Variants in EFNA5 observed in about 807,000 individuals in gnomAD.
EFNA5 encodes the protein ephrin-A5.
In EFNA5, 5 loss-of-function variants were observed where a neutral mutation model predicts 22.9. The ratio of observed to expected loss-of-function variants is 0.22; its 90% CI spans 0.11 to 0.46. EFNA5 has a LOEUF of 0.46. Among genes scored for constraint, EFNA5 ranks in the 20% least tolerant of loss-of-function variants. The probability of loss-of-function intolerance (pLI) is 0.99; values close to 1 mark genes in which losing one functional copy is unlikely to be tolerated. For missense variants in EFNA5, 237 were observed against 293.3 expected, an observed-to-expected ratio of 0.81 and a Z score of 1.40; for synonymous variants, 113 against 112.2, an observed-to-expected ratio of 1.01 and a Z score of -0.04.
chr5:107,616,506 G>A (rs1749916605), intron 1 of EFNA5, among the ~76,000 whole-genome samples: 1 of 152,132 alleles, frequency 6.6e-6, no homozygotes, highest in Admixed American at 6.5e-5. Context: ...GAGAGCTGAT[G>A]CAGTATAGGA....
intron 2 of EFNA5, among the ~76,000 whole-genome samples, chr5:107,422,547 G>C (rs1748699286): frequency 6.6e-6 from 1 of 152,198 alleles, no homozygotes; most frequent in African/African-American, 2.4e-5. Flanking sequence ...TGAATGCCTG[G>C]GGCAATGGGA....
At chr5:107,466,783 C>T (rs1398631493) in intron 1 of EFNA5, among the ~76,000 whole-genome samples, 1 of 151,992 alleles carries the variant, frequency 6.6e-6, no homozygotes, top group Non-Finnish European at 1.5e-5. Context: ...TTGGGGTGGG[C>T]CATCAGGAAA....
chr5:107,665,043 C>A (rs1468442559), intron 1 of EFNA5, among the ~76,000 whole-genome samples: 3 of 152,096 alleles, frequency 2.0e-5, no homozygotes, highest in African/African-American at 7.2e-5. Context: ...AAATGCTACC[C>A]AACATGTAAA....
chr5:107,506,771 T>C lies in EFNA5; in HGVS notation c.126-79262A>G, dbSNP rs186259402. On this transcript the variant is annotated intron_variant, in intron 1 of 4. Coordinates refer to ENST00000333274, the MANE Select transcript of EFNA5 (RefSeq NM_001962.3). ...ACACAAAGGTGAATAACAAAAAATA[T>C]ATAATATCTAGATTTTGAGGGTGAA... Among the ~76,000 whole-genome samples the C allele has an allele frequency of 1.5e-3, 221 of 152,246 alleles. 3 individuals are homozygous for C. The highest frequency in any genetic ancestry group is 4.7e-3 in the African/African-American group (196 of 41,550).
intron 1 of EFNA5, among the ~76,000 whole-genome samples, chr5:107,658,642 A>G (rs1278854296): frequency 2.6e-5 from 4 of 152,172 alleles, no homozygotes; most frequent in Admixed American, 2.0e-4. Context: ...GAGTCCTTGA[A>G]GAAGAGCCAG....
intron 1 of EFNA5, among the ~76,000 whole-genome samples, chr5:107,545,314 T>C (rs1381162376): frequency 1.3e-5 from 2 of 152,258 alleles, no homozygotes; most frequent in African/African-American, 2.4e-5. Context: ...GTATTTCTAA[T>C]GATCTTATAT....
At chr5:107,405,425 T>C (rs1748181415) in intron 2 of EFNA5, among the ~76,000 whole-genome samples, 1 of 152,208 alleles carries the variant, frequency 6.6e-6, no homozygotes, top group Non-Finnish European at 1.5e-5. Context: ...AAGTAACAGA[T>C]GCAGCAGATT....
chr5:107,458,996 A>G (rs1749767343), intron 1 of EFNA5, among the ~76,000 whole-genome samples: 1 of 152,298 alleles, frequency 6.6e-6, no homozygotes, highest in African/African-American at 2.4e-5. Flanking sequence ...TGACACCAAA[A>G]TATACTTTTC....
At chr5:107,444,101 T>C (rs1749332413) in intron 1 of EFNA5, among the ~76,000 whole-genome samples, 1 of 152,174 alleles carries the variant, frequency 6.6e-6, no homozygotes, top group Non-Finnish European at 1.5e-5. Context: ...CTATATTTGA[T>C]GCACTGATCT....
At chr5:107,430,358 T>C (rs1235440618) in intron 1 of EFNA5, among the ~76,000 whole-genome samples, 1 of 152,218 alleles carries the variant, frequency 6.6e-6, no homozygotes, top group African/African-American at 2.4e-5. Context: ...TATATTATTA[T>C]ATTATTATTA....
intron 1 of EFNA5, among the ~76,000 whole-genome samples, chr5:107,617,233 C>G (rs1450525720): frequency 3.0e-4 from 45 of 149,292 alleles, no homozygotes; most frequent in East Asian, 9.8e-4. Flanking sequence ...CACACACACA[C>G]ACACAGAGAG....
chr5:107,419,921 T>C (rs1326363349), intron 2 of EFNA5, among the ~76,000 whole-genome samples: 1 of 152,210 alleles, frequency 6.6e-6, no homozygotes, highest in Non-Finnish European at 1.5e-5. Context: ...AAGTACATTG[T>C]ACTTACAAGT....
intron 1 of EFNA5, among the ~76,000 whole-genome samples, chr5:107,533,557 G>T: frequency 6.6e-6 from 1 of 152,166 alleles, no homozygotes; most frequent in Non-Finnish European, 1.5e-5. Context: ...CAGGAAGAAA[G>T]CCCAAATCCC....
intron 1 of EFNA5, among the ~76,000 whole-genome samples, chr5:107,533,532 T>C (rs866386306): frequency 2.6e-5 from 4 of 152,198 alleles, no homozygotes; most frequent in African/African-American, 9.6e-5. Flanking sequence ...TTTTAAAAGA[T>C]AAAAAAGAAT....
At chr5:107,391,764 A>T (rs1747800553) in intron 2 of EFNA5, among the ~76,000 whole-genome samples, 1 of 152,196 alleles carries the variant, frequency 6.6e-6, no homozygotes, top group African/African-American at 2.4e-5. Context: ...AAATCAATCC[A>T]TAGAGTCCCT....
chr5:107,564,089 A>C (rs1476411190), intron 1 of EFNA5, among the ~76,000 whole-genome samples: 1 of 151,934 alleles, frequency 6.6e-6, no homozygotes, highest in East Asian at 1.9e-4. Context: ...TGCAGAGGGG[A>C]TGGGCAGGGG....
chr5:107,410,283 G>A (rs1243763908), intron 2 of EFNA5, among the ~76,000 whole-genome samples: 1 of 152,108 alleles, frequency 6.6e-6, no homozygotes, highest in African/African-American at 2.4e-5. Flanking sequence ...GCCTGCCTCA[G>A]CCTCCCAATA....
intron 1 of EFNA5, among the ~76,000 whole-genome samples, chr5:107,623,414 G>C (rs928582476): frequency 1.3e-5 from 2 of 152,036 alleles, no homozygotes; most frequent in Admixed American, 6.6e-5. Context: ...AGCTTCCTGG[G>C]TTATAAATTT....
intron 1 of EFNA5, among the ~76,000 whole-genome samples, chr5:107,666,803 G>T (rs931109648): frequency 6.6e-6 from 1 of 151,962 alleles, no homozygotes. Context: ...CTTAGAATAC[G>T]CACATGATGT....
Sources: gnomAD v4.1 joint callset for allele counts (sites outside exome capture counted in the v4.1 genomes callset) on GRCh38, gnomAD v4.1.1 for gene constraint, MANE v1.5 for transcripts, NCBI Gene and HGNC (gene_info 2026-07-23, HGNC 2026-07-21) for gene names.